GLIS3: variants seen among roughly 807,000 people sequenced by gnomAD.
GLIS3 encodes GLIS family zinc finger 3.
Under a neutral mutation model 78.6 loss-of-function variants are expected in GLIS3, and 53 were observed. That is an observed-to-expected ratio of 0.67 (90% CI 0.54 to 0.85). The LOEUF is 0.85. GLIS3 is among the 40% of genes least tolerant of loss of function. The probability of loss-of-function intolerance (pLI) is 0.00; values close to 1 mark genes in which losing one functional copy is unlikely to be tolerated. For synonymous variants in GLIS3, 684 were observed against 509.9 expected, an observed-to-expected ratio of 1.34 and a Z score of -4.60; for missense variants, 1,703 against 1,231.1, an observed-to-expected ratio of 1.38 and a Z score of -5.74.
At chr9:4,138,364 G>C (rs981370206) in intron 2 of GLIS3, among the ~76,000 whole-genome samples, 5 of 152,304 alleles carry the variant, frequency 3.3e-5, no homozygotes, top group African/African-American at 9.6e-5. Context: ...ACCAATTGGA[G>C]AGAGTGTTAA....
intron 1 of GLIS3, among the ~76,000 whole-genome samples, chr9:4,291,725 T>C (rs958945381): frequency 1.3e-5 from 2 of 152,146 alleles, no homozygotes; most frequent in East Asian, 3.8e-4. Context: ...CACACAGTGA[T>C]AATGGCTACA....
At position 4,260,564 on chromosome 9, in the gene GLIS3, C is replaced by A. The variant is rs556233518; in HGVS notation, c.388+25474G>T. Among the ~76,000 whole-genome samples, 3 of 97,284 alleles carry A rather than the reference C, an allele frequency of 3.1e-5. No individual in the cohort carries two copies. In the East Asian group the frequency reaches 7.5e-4, roughly 24 times the overall value. 63.8% of individuals were successfully genotyped at this position (97,284 alleles called of 152,430 possible). A position where few individuals can be genotyped will look rare whatever the true frequency, so the allele number is the denominator to read the frequency against. ...CCTGGGCAACTGAGTGAGACTCTGT[C>A]TCAAAAAAAAAAAAAAAAGATAAAT... On this transcript the variant is annotated intron_variant, in intron 2 of 10. Coordinates refer to ENST00000381971, the MANE Select transcript of GLIS3 (RefSeq NM_001042413.2).
At chr9:4,429,815 C>G in the GLIS3 span, among the ~76,000 whole-genome samples, 1 of 152,094 alleles carries the variant, frequency 6.6e-6, no homozygotes, top group Non-Finnish European at 1.5e-5. Flanking sequence ...GAGACTGATG[C>G]AGTGGCCCTA....
At chr9:4,113,630 G>A (rs566192769) in intron 4 of GLIS3, among the ~76,000 whole-genome samples, 13 of 152,256 alleles carry the variant, frequency 8.5e-5, no homozygotes, top group South Asian at 6.2e-4. Flanking sequence ...GAATAAAAGC[G>A]AATGTGAAAA....
At chr9:4,471,792 A>C in the GLIS3 span, among the ~76,000 whole-genome samples, 1 of 152,206 alleles carries the variant, frequency 6.6e-6, no homozygotes, top group Non-Finnish European at 1.5e-5. Context: ...TGCACAGCAA[A>C]AGAAACTACC....
chr9:4,466,865 G>C, the GLIS3 span, among the ~76,000 whole-genome samples: 1 of 152,166 alleles, frequency 6.6e-6, no homozygotes. Context: ...AGGGGGTCGG[G>C]GTATTCCCCT....
At chr9:4,091,083 G>A (rs1401816428) in intron 4 of GLIS3, among the ~76,000 whole-genome samples, 1 of 152,184 alleles carries the variant, frequency 6.6e-6, no homozygotes, top group South Asian at 2.1e-4. Flanking sequence ...GGCTGGGCAT[G>A]GTGGCTCATG....
At chr9:4,141,442 T>C (rs1408226063) in intron 2 of GLIS3, among the ~76,000 whole-genome samples, 2 of 152,086 alleles carry the variant, frequency 1.3e-5, no homozygotes, top group African/African-American at 4.8e-5. Flanking sequence ...TGGGGCTTGG[T>C]CAAAGGGCAT....
intron 6 of GLIS3, among the ~76,000 whole-genome samples, chr9:3,914,917 C>G (rs541213286): frequency 6.6e-6 from 1 of 152,206 alleles, no homozygotes; most frequent in East Asian, 1.9e-4. Context: ...AAGTAAAGAG[C>G]TTGCCCGTGG....
chr9:3,951,834 A>C (rs1261409403), intron 4 of GLIS3, among the ~76,000 whole-genome samples: 1 of 143,186 alleles, frequency 7.0e-6, no homozygotes, highest in Non-Finnish European at 1.5e-5. Context: ...AGAGAGGAAT[A>C]AGCATGAACA....
In GLIS3 at chr9:3,826,713, C is replaced by T. The variant is rs1473674507; in HGVS notation, c.*1559G>A. ...AAGGACCTGTCAGTATACAAACTGT[C>T]ACAGAATCCCATCTAACATCAAGCT... On this transcript the variant is annotated 3_prime_UTR_variant, in exon 11 of 11. Coordinates refer to ENST00000381971, the MANE Select transcript of GLIS3 (RefSeq NM_001042413.2). The T allele has an allele frequency of 2.0e-5, 3 of 152,222 alleles. No homozygotes were observed. The highest frequency in any genetic ancestry group is 4.4e-5 in the Non-Finnish European group (3 of 68,044). The allele number at this position is 152,222 out of a possible 1,614,324, so 9.4% of individuals were successfully genotyped here. A position where few individuals can be genotyped will look rare whatever the true frequency, so the allele number is the denominator to read the frequency against.
intron 2 of GLIS3, among the ~76,000 whole-genome samples, chr9:4,145,627 G>C (rs1333118945): frequency 1.3e-5 from 2 of 152,084 alleles, no homozygotes; most frequent in Non-Finnish European, 2.9e-5. Context: ...CCGACTCTGA[G>C]AGCAGTCTCC....
At chr9:4,452,372 G>A in the GLIS3 span, among the ~76,000 whole-genome samples, 1 of 152,114 alleles carries the variant, frequency 6.6e-6, no homozygotes, top group African/African-American at 2.4e-5. Flanking sequence ...AGGAAGACAG[G>A]AAGTCAAAAT....
intron 4 of GLIS3, among the ~76,000 whole-genome samples, chr9:3,979,064 G>A (rs1031414562): frequency 1.3e-5 from 2 of 151,932 alleles, no homozygotes; most frequent in Non-Finnish European, 2.9e-5. Flanking sequence ...ATCCTCATGG[G>A]GTCCTGGAAC....
In GLIS3 at chr9:4,268,372, C is replaced by T. The variant is rs556891879; in HGVS notation, c.388+17666G>A. ...ATCATAAGTGTTATCTATGTATTGC[C>T]TACCATTATTCTTTCAAATATAATT... On this transcript the variant is annotated intron_variant, in intron 2 of 10. Coordinates refer to ENST00000381971, the MANE Select transcript of GLIS3 (RefSeq NM_001042413.2). 6.6e-5 allele frequency among the ~76,000 whole-genome samples: 10 copies of T among 152,198 alleles called. 1 individual carries two copies. The Middle Eastern group carries it at 0.02, about 311-fold the overall frequency.
chr9:4,247,469 C>T (rs548264869), intron 2 of GLIS3, among the ~76,000 whole-genome samples: 42 of 152,210 alleles, frequency 2.8e-4, no homozygotes, highest in African/African-American at 8.9e-4. Flanking sequence ...CTCATGCACC[C>T]TGTCTCATCA....
chr9:4,391,990 G>C, the GLIS3 span, among the ~76,000 whole-genome samples: 3 of 152,110 alleles, frequency 2.0e-5, no homozygotes. Flanking sequence ...GCAAAGACAT[G>C]GAATCAATGC....
rs189582955 is a variant in GLIS3 at position 3,824,156 on chromosome 9, G to A, written c.*4116C>T. The A allele has an allele frequency of 6.6e-6, 1 of 152,586 alleles. No homozygotes were observed. The highest frequency in any genetic ancestry group is 1.5e-5 in the Non-Finnish European group (1 of 68,020). The allele number at this position is 152,586 out of a possible 1,614,324, so 9.5% of individuals were successfully genotyped here. On this transcript the variant is annotated 3_prime_UTR_variant, in exon 11 of 11. Coordinates refer to ENST00000381971, the MANE Select transcript of GLIS3 (RefSeq NM_001042413.2). ...ATGTATAAAAGCTTTAATTAAATCT[G>A]ATGAAATAAAACTTCATGTTTTATT...
intron 4 of GLIS3, among the ~76,000 whole-genome samples, chr9:4,065,947 A>C (rs1384718868): frequency 6.6e-6 from 1 of 152,108 alleles, no homozygotes; most frequent in East Asian, 1.9e-4. Flanking sequence ...TGGCACATAA[A>C]AAATATGAGA....
Sources: gnomAD v4.1 joint callset for allele counts (sites outside exome capture counted in the v4.1 genomes callset) on GRCh38, gnomAD v4.1.1 for gene constraint, MANE v1.5 for transcripts, NCBI Gene and HGNC (gene_info 2026-07-23, HGNC 2026-07-21) for gene names.